GSAP: variants seen among roughly 807,000 people sequenced by gnomAD.
GSAP encodes gamma-secretase activating protein.
A neutral mutation model predicts 131.7 loss-of-function variants in GSAP; 118 were observed. That is an observed-to-expected ratio of 0.90 (90% CI 0.77 to 1.04). The LOEUF (loss-of-function observed/expected upper bound fraction) is 1.04, where lower values mean the gene tolerates loss of function less well. GSAP is among the 50% of genes least tolerant of loss of function. The pLI, the probability that GSAP is intolerant of heterozygous loss-of-function variation, is 0.00. For synonymous variants in GSAP, 381 were observed against 363.4 expected (o/e 1.05, Z -0.55); for missense variants, 1,019 against 1,013.2 (o/e 1.01, Z -0.08).
intron 18 of GSAP, among the ~76,000 whole-genome samples, chr7:77,350,881 T>C (rs1176967319): frequency 6.6e-6 from 1 of 152,220 alleles, no homozygotes; most frequent in Non-Finnish European, 1.5e-5. Flanking sequence ...GGATAAACTT[T>C]CAAGATTGCC....
At chr7:77,414,978 C>T (rs1804065608) in intron 1 of GSAP, among the ~76,000 whole-genome samples, 1 of 151,350 alleles carries the variant, frequency 6.6e-6, no homozygotes, top group Non-Finnish European at 1.5e-5. Flanking sequence ...CTGCCTCAGC[C>T]TCCCGAGTAG....
intron 2 of GSAP, among the ~76,000 whole-genome samples, chr7:77,405,398 A>C (rs1228404890): frequency 6.6e-6 from 1 of 152,260 alleles, no homozygotes; most frequent in South Asian, 2.1e-4. Context: ...AAATGTTAAC[A>C]TATTAATTAG....
chr7:77,365,679 C>T (rs948355516), intron 12 of GSAP, among the ~76,000 whole-genome samples: 15 of 152,020 alleles, frequency 9.9e-5, no homozygotes, highest in African/African-American at 2.9e-4. Flanking sequence ...ACATGAATCA[C>T]GCTGCAATTG....
In GSAP at chr7:77,397,381, A is replaced by G; in HGVS notation, c.278T>C (p.Phe93Ser). The G allele has an allele frequency of 6.2e-7, 1 of 1,606,620 alleles. No homozygotes were observed. Among genetic ancestry groups the G allele is most frequent in the Non-Finnish European group, 8.5e-7 (1 of 1,174,540 alleles). ...CCTTTCACTGTTGACAGAGCAACTG[A>G]AAACTTGCAAGTCTTTCTCAAAGGT... ...LYTFEKDLQVFSCSVNSERTL... is the reference protein window; with the variant it reads ...LYTFEKDLQVSSCSVNSERTL... Residue 93 changes from phenylalanine to serine, a missense_variant, in exon 4 of 31, where the codon TTC (phenylalanine) becomes TCC (serine). Physicochemically the swap from Phe to Ser is radical, Grantham distance 155. Coordinates refer to ENST00000257626, the MANE Select transcript of GSAP (RefSeq NM_017439.4).
chr7:77,391,578 C>T (rs944069342), intron 5 of GSAP, among the ~76,000 whole-genome samples: 1 of 152,164 alleles, frequency 6.6e-6, no homozygotes, highest in Non-Finnish European at 1.5e-5. Context: ...AATCCCAACA[C>T]TTTTGGAGGC....
At chr7:77,359,969 G>A (rs1398738113) in intron 14 of GSAP, among the ~76,000 whole-genome samples, 1 of 152,202 alleles carries the variant, frequency 6.6e-6, no homozygotes, top group Non-Finnish European at 1.5e-5. Flanking sequence ...CAGAGATCAT[G>A]TTAAAATTTG....
At chr7:77,332,717 C>A (rs1471743771) in intron 19 of GSAP, among the ~76,000 whole-genome samples, 1 of 152,112 alleles carries the variant, frequency 6.6e-6, no homozygotes, top group Admixed American at 6.5e-5. Flanking sequence ...AGCCAAACAT[C>A]CCAAAAATAT....
intron 26 of GSAP, among the ~76,000 whole-genome samples, chr7:77,320,376 A>G (rs1046483919): frequency 6.6e-6 from 1 of 152,200 alleles, no homozygotes; most frequent in Admixed American, 6.5e-5. Context: ...ACCAAGCCAG[A>G]CCGACTTCCC....
At chr7:77,377,078 G>A (rs940222227) in intron 9 of GSAP, among the ~76,000 whole-genome samples, 171 bp from the exon 10 acceptor site, 2 of 151,834 alleles carry the variant, frequency 1.3e-5, no homozygotes, top group Non-Finnish European at 2.9e-5. Flanking sequence ...CTGGGGCCAA[G>A]CACTATGGCT....
intron 1 of GSAP, among the ~76,000 whole-genome samples, chr7:77,409,427 G>C (rs1194779411): frequency 1.3e-5 from 2 of 152,176 alleles, no homozygotes; most frequent in Non-Finnish European, 2.9e-5. Context: ...ACTTTTCAAT[G>C]AGATAATGAT....
intron 12 of GSAP, among the ~76,000 whole-genome samples, chr7:77,371,859 G>A (rs569715523): frequency 1.3e-5 from 2 of 152,326 alleles, no homozygotes; most frequent in South Asian, 4.1e-4. Flanking sequence ...CAGGTGAAAA[G>A]CTGAGAATAG....
chr7:77,414,669 C>G (rs1421240812), intron 1 of GSAP, among the ~76,000 whole-genome samples: 1 of 152,106 alleles, frequency 6.6e-6, no homozygotes, highest in Non-Finnish European at 1.5e-5. Context: ...ACACACATTA[C>G]GGAAACATAA....
In GSAP at chr7:77,314,410, C is replaced by T. The variant is rs757751871; in HGVS notation, c.2169G>A (p.Val723=). The change falls in exon 27 of 31, where the codon GTG becomes GTA. Residue 723 remains valine (V), a synonymous_variant. Transcript: ENST00000257626. ...TGACAGCTGTTTCAGTGAGAAGCAA[C>T]ACTCCACTGTCAATGCAATGCAGCA... The part of the protein sequence containing the change: ...HNLLHCIDSG[V]LLLTETAVIR... 1.3e-5 allele frequency: 21 copies of T among 1,613,698 alleles called. No individual in the cohort carries two copies. The highest frequency in any genetic ancestry group is 1.7e-5 in the Non-Finnish European group (20 of 1,179,810).
At chr7:77,326,684 GC>G (rs1214774899) in intron 22 of GSAP, 1 of 156,892 alleles carries the variant, frequency 6.4e-6, no homozygotes, top group African/African-American at 2.4e-5. Flanking sequence ...TAGTTCAGTA[GC>G]CTTGGGAGTT....
chr7:77,404,548 A>C lies in GSAP; in HGVS notation c.243+11T>G, dbSNP rs767858470. On this transcript the variant is annotated intron_variant, in intron 3 of 30. Coordinates refer to ENST00000257626, the MANE Select transcript of GSAP (RefSeq NM_017439.4). ...CAGTAAAGTAACCAATGAGTAATCT[A>C]TGATTTTTACCTCATTTTGTCTGGT... is the stretch of plus-strand genomic sequence containing the variant. 1 of 1,452,172 alleles carries C rather than the reference A, an allele frequency of 6.9e-7. No individual in the cohort carries two copies. The highest frequency in any genetic ancestry group is 1.7e-5 in the Admixed American group (1 of 58,932). The allele number at this position is 1,452,172 out of a possible 1,614,324, so 90.0% of individuals were successfully genotyped here. A position where few individuals can be genotyped will look rare whatever the true frequency, so the allele number is the denominator to read the frequency against.
At chr7:77,408,689 CAAAA>C (rs749202124) in intron 1 of GSAP, among the ~76,000 whole-genome samples, 24 of 67,054 alleles carry the variant, frequency 3.6e-4, no homozygotes, top group African/African-American at 1.2e-3. Flanking sequence ...ACTCTGCCTC[CAAAA>C]AAAAAAAAAA....
chr7:77,328,077 G>T, intron 22 of GSAP: 1 of 347,712 alleles, frequency 2.9e-6, no homozygotes, highest in Non-Finnish European at 4.0e-6. Flanking sequence ...AGGAGCACAT[G>T]GTTCACACAA....
At chr7:77,314,860 G>A in intron 26 of GSAP, 1 of 167,124 alleles carries the variant, frequency 6.0e-6, no homozygotes, top group East Asian at 1.7e-4. Flanking sequence ...GTTGGGATGA[G>A]GACCATTTTG....
chr7:77,311,641 G>C, intron 30 of GSAP, 192 bp from the exon 31 acceptor site: 1 of 589,900 alleles, frequency 1.7e-6, no homozygotes, highest in Non-Finnish European at 3.0e-6. Flanking sequence ...TAAACCTCTT[G>C]ACTCTTTTAA....
Sources: allele counts gnomAD v4.1 joint callset (sites outside exome capture counted in the v4.1 genomes callset), GRCh38; gene constraint gnomAD v4.1.1; transcripts MANE v1.5; gene names NCBI Gene and HGNC (gene_info 2026-07-23, HGNC 2026-07-21).